PPP2R2C: variants seen among roughly 807,000 people sequenced by gnomAD.
PPP2R2C encodes protein phosphatase 2 regulatory subunit Bgamma.
Under a neutral mutation model 45.3 loss-of-function variants are expected in PPP2R2C, and 10 were observed. The ratio of observed to expected loss-of-function variants is 0.22; its 90% CI spans 0.14 to 0.37. The LOEUF (loss-of-function observed/expected upper bound fraction) is 0.37. Among genes scored for constraint, PPP2R2C ranks in the 10% least tolerant of loss-of-function variants. The probability of loss-of-function intolerance (pLI) is 1.00; values close to 1 mark genes in which losing one functional copy is unlikely to be tolerated. For synonymous variants in PPP2R2C, 257 were observed against 245.4 expected, an observed-to-expected ratio of 1.05 and a Z score of -0.44; for missense variants, 308 against 619.7, an observed-to-expected ratio of 0.50 and a Z score of 5.34.
chr4:6,430,882 A>G (rs1196319977), intron 1 of PPP2R2C, among the ~76,000 whole-genome samples: 1 of 151,918 alleles, frequency 6.6e-6, no homozygotes, highest in African/African-American at 2.4e-5. Context: ...CCAAGATCGC[A>G]CCACTGCACT....
rs376300348 is a variant in PPP2R2C, at chr4:6,558,387, G to A, written c.-59+5173C>T. Reference sequence around the variant, plus strand: ...GCAGTGGGAAGGCCACCCATGCAAGGTCAAGGAGAAGCCTTTCTCAGGGCT... The same window carrying A: ...GCAGTGGGAAGGCCACCCATGCAAGATCAAGGAGAAGCCTTTCTCAGGGCT... On this transcript the variant is annotated intron_variant, in intron 1 of 9. Coordinates refer to the PPP2R2C transcript ENST00000506140. Among the ~76,000 whole-genome samples, 44 of 152,288 alleles carry A rather than the reference G, an allele frequency of 2.9e-4. 1 individual carries two copies. In the East Asian group the frequency reaches 6.6e-3, roughly 23 times the overall value.
intron 1 of PPP2R2C, among the ~76,000 whole-genome samples, chr4:6,425,867 T>G (rs948174713): frequency 1.3e-5 from 2 of 149,930 alleles, no homozygotes; most frequent in Admixed American, 6.6e-5. Context: ...ATGTGTGGGG[T>G]GTGTGTGTGT....
chr4:6,370,110 A>T (rs1709980799), intron 5 of PPP2R2C, among the ~76,000 whole-genome samples: 1 of 152,220 alleles, frequency 6.6e-6, no homozygotes, highest in South Asian at 2.1e-4. Context: ...CAGGTGCTCG[A>T]GAAGGGTGGC....
chr4:6,329,198 G>T lies in PPP2R2C; in HGVS notation c.1052+64C>A. On this transcript the variant is annotated intron_variant, in intron 8 of 8. Coordinates refer to ENST00000382599, the MANE Select transcript of PPP2R2C (RefSeq NM_020416.4). The surrounding 1 kb of genome is among the most constrained non-coding windows in gnomAD (Gnocchi z 5.8). The stretch of plus-strand genomic sequence containing the variant: ...TGCGGGTCACCGGAATCCCAGCCCA[G>T]ACCCCTGCAGGGCAGAAACCCTCCC... The T allele has an allele frequency of 6.7e-7, 1 of 1,501,006 alleles. No homozygotes were observed. The highest frequency in any genetic ancestry group is 1.2e-5 in the South Asian group (1 of 86,330). The allele number at this position is 1,501,006 out of a possible 1,614,324, so 93.0% of individuals were successfully genotyped here.
intron 1 of PPP2R2C, among the ~76,000 whole-genome samples, chr4:6,427,218 C>T (rs1439060783): frequency 6.6e-6 from 1 of 152,230 alleles, no homozygotes; most frequent in Non-Finnish European, 1.5e-5. Flanking sequence ...GTATCTGGTA[C>T]ACAGTAGCTA....
intron 1 of PPP2R2C, among the ~76,000 whole-genome samples, chr4:6,393,222 C>T (rs557159763): frequency 2.3e-4 from 35 of 152,278 alleles, no homozygotes; most frequent in African/African-American, 7.9e-4. Flanking sequence ...ACCCCACATC[C>T]GTCGGCAGCC....
At chr4:6,451,661 C>T (rs1469789639) in intron 1 of PPP2R2C, among the ~76,000 whole-genome samples, 1 of 152,140 alleles carries the variant, frequency 6.6e-6, no homozygotes, top group Non-Finnish European at 1.5e-5. Context: ...AATGCTCAGC[C>T]ACCCCAGGTT....
intron 2 of PPP2R2C, among the ~76,000 whole-genome samples, chr4:6,510,435 T>A (rs1033038751): frequency 6.6e-6 from 1 of 152,216 alleles, no homozygotes; most frequent in African/African-American, 2.4e-5. Context: ...CCTTTCTCCA[T>A]CATCACCTTC....
intron 2 of PPP2R2C, among the ~76,000 whole-genome samples, chr4:6,498,465 G>T (rs1353760100): frequency 6.6e-6 from 1 of 152,178 alleles, no homozygotes; most frequent in African/African-American, 2.4e-5. Flanking sequence ...GATACAGTCT[G>T]TTGTATGTAT....
chr4:6,357,508 G>A (rs1469611356), intron 5 of PPP2R2C, among the ~76,000 whole-genome samples: 2 of 152,224 alleles, frequency 1.3e-5, no homozygotes, highest in East Asian at 3.8e-4. Flanking sequence ...ACAAAGGATG[G>A]CTATGTGCAC....
intron 1 of PPP2R2C, among the ~76,000 whole-genome samples, chr4:6,426,951 A>C (rs1719366681): frequency 6.6e-6 from 1 of 152,230 alleles, no homozygotes; most frequent in Non-Finnish European, 1.5e-5. Context: ...CAATTCCAAA[A>C]GCTAAGTTAA....
intron 2 of PPP2R2C, among the ~76,000 whole-genome samples, chr4:6,507,117 G>A (rs1723263052): frequency 6.6e-6 from 1 of 152,214 alleles, no homozygotes; most frequent in Non-Finnish European, 1.5e-5. Context: ...CAGTGAGGAA[G>A]AGGGCTGAAG....
At chr4:6,355,789 G>A (rs1018151105) in intron 5 of PPP2R2C, among the ~76,000 whole-genome samples, 1 of 151,794 alleles carries the variant, frequency 6.6e-6, no homozygotes. Context: ...TCAGGAGTTT[G>A]AGACCAGCCT....
intron 2 of PPP2R2C, among the ~76,000 whole-genome samples, chr4:6,482,357 G>A (rs531525144): frequency 6.6e-6 from 1 of 152,286 alleles, no homozygotes; most frequent in Non-Finnish European, 1.5e-5. Context: ...CCCAAGCCAG[G>A]AAGCAGTAGG....
intron 2 of PPP2R2C, among the ~76,000 whole-genome samples, chr4:6,490,759 T>C (rs775439001): frequency 2.0e-5 from 3 of 152,112 alleles, no homozygotes; most frequent in Non-Finnish European, 4.4e-5. Flanking sequence ...AAAAGGAACA[T>C]CAGCCATGGC....
chr4:6,410,938 T>C (rs1718149171), intron 1 of PPP2R2C, among the ~76,000 whole-genome samples: 1 of 151,970 alleles, frequency 6.6e-6, no homozygotes, highest in Admixed American at 6.6e-5. Context: ...GTGCGATCTC[T>C]GCTCACTGCA....
rs1177657342 is a variant in PPP2R2C at position 6,519,804 on chromosome 4, G to A, written c.49+15467C>T. ...ACCAAGCCCCTCAAACACCAGTGTGGGAGAGCAAGAAGGACCTGAAAGTGA... is the reference window on the plus strand; with the variant it reads ...ACCAAGCCCCTCAAACACCAGTGTGAGAGAGCAAGAAGGACCTGAAAGTGA... On this transcript the variant is annotated intron_variant, in intron 2 of 9. Transcript: ENST00000506140. Among the ~76,000 whole-genome samples the A allele has an allele frequency of 7.9e-5, 12 of 152,266 alleles. No homozygotes were observed. In the East Asian group the frequency reaches 1.9e-3, roughly 24 times the overall value.
At chr4:6,372,441 T>A in intron 5 of PPP2R2C, 82 bp downstream of exon 5, 1 of 1,449,736 alleles carries the variant, frequency 6.9e-7, no homozygotes, top group Non-Finnish European at 9.6e-7. Context: ...AAACCAGCTG[T>A]CTGCCAATCA....
At chr4:6,372,105 C>G (rs1161939023) in intron 5 of PPP2R2C, among the ~76,000 whole-genome samples, 1 of 152,228 alleles carries the variant, frequency 6.6e-6, no homozygotes, top group Non-Finnish European at 1.5e-5. Context: ...GCCGGGGCCC[C>G]AGTGCTGGTC....
Sources: allele counts gnomAD v4.1 joint callset (sites outside exome capture counted in the v4.1 genomes callset), GRCh38; gene constraint gnomAD v4.1.1; non-coding constraint Gnocchi (gnomAD v3.1); transcripts MANE v1.5; gene names NCBI Gene and HGNC (gene_info 2026-07-23, HGNC 2026-07-21).